SV2C: variants seen among roughly 807,000 people sequenced by gnomAD.
SV2C encodes the protein synaptic vesicle glycoprotein 2C, also known as solute carrier family 22 member B3.
A neutral mutation model predicts 79.7 loss-of-function variants in SV2C; 49 were observed. The observed-to-expected ratio is 0.61, with a 90% CI of 0.49 to 0.78. The LOEUF (loss-of-function observed/expected upper bound fraction) is 0.78. SV2C is among the 30% of genes least tolerant of loss of function. SV2C has a pLI of 0.00. For missense variants in SV2C, 833 were observed against 912.9 expected (o/e 0.91, Z 1.13); for synonymous variants, 334 against 333.2 (o/e 1.00, Z -0.03).
Position 76,311,867 on chromosome 5 carries a change from T to G in SV2C, c.2000+10322T>G, listed in dbSNP as rs562004303. Among the ~76,000 whole-genome samples, 10 of 152,318 alleles carry G rather than the reference T, an allele frequency of 6.6e-5. No homozygotes were observed. The South Asian group carries it at 2.1e-3, about 32-fold the overall frequency. Reference sequence around the variant, plus strand: ...CTTTCAACCCTCTTTGCGGTAGAACTGAGAACACCAACAGAAGATGCATTT... The same window carrying G: ...CTTTCAACCCTCTTTGCGGTAGAACGGAGAACACCAACAGAAGATGCATTT... On this transcript the variant is annotated intron_variant, in intron 12 of 12. Coordinates refer to ENST00000502798, the MANE Select transcript of SV2C (RefSeq NM_014979.4).
intron 12 of SV2C, among the ~76,000 whole-genome samples, chr5:76,347,324 G>A (rs1749563233): frequency 6.6e-6 from 1 of 152,208 alleles, no homozygotes; most frequent in Non-Finnish European, 1.5e-5. Flanking sequence ...TAGGCTGTGA[G>A]CCACCAGCAA....
chr5:76,172,112 T>TG (rs1260971765), intron 2 of SV2C, among the ~76,000 whole-genome samples: 5 of 21,894 alleles, frequency 2.3e-4, no homozygotes, highest in African/African-American at 3.6e-4. Flanking sequence ...GGGAGGGAGG[T>TG]GGGGGGGTCA....
At chr5:75,895,047 C>A in the SV2C span, among the ~76,000 whole-genome samples, 13 of 152,066 alleles carry the variant, frequency 8.5e-5, no homozygotes, top group Non-Finnish European at 1.8e-4. Context: ...AGTAGCTGAT[C>A]ACTACGCTTA....
chr5:75,998,605 AGTGT>A, the SV2C span, among the ~76,000 whole-genome samples: 1 of 151,874 alleles, frequency 6.6e-6, no homozygotes, highest in Non-Finnish European at 1.5e-5. Flanking sequence ...AGAACATGAT[AGTGT>A]GTGTGTGTAT....
At chr5:76,035,786 A>T in the SV2C span, among the ~76,000 whole-genome samples, 1 of 151,976 alleles carries the variant, frequency 6.6e-6, no homozygotes, top group African/African-American at 2.4e-5. Flanking sequence ...GCTGAGTTCA[A>T]TTCCTGGGTA....
the SV2C span, among the ~76,000 whole-genome samples, chr5:76,029,086 C>T: frequency 6.6e-6 from 1 of 152,172 alleles, no homozygotes; most frequent in African/African-American, 2.4e-5. Context: ...CAAGTGTTCT[C>T]AAACTTCATG....
intron 12 of SV2C, among the ~76,000 whole-genome samples, chr5:76,312,917 A>G (rs1748503252): frequency 6.6e-6 from 1 of 152,184 alleles, no homozygotes; most frequent in African/African-American, 2.4e-5. Context: ...TTTTCCCAGA[A>G]TTAAGCAACC....
chr5:75,973,088 A>G, the SV2C span, among the ~76,000 whole-genome samples: 1 of 151,850 alleles, frequency 6.6e-6, no homozygotes, highest in African/African-American at 2.4e-5. Flanking sequence ...AAAAAACCAA[A>G]CACTACATGT....
chr5:76,021,408 T>C, the SV2C span, among the ~76,000 whole-genome samples: 1 of 152,210 alleles, frequency 6.6e-6, no homozygotes, highest in African/African-American at 2.4e-5. Flanking sequence ...ATTCTCTTAT[T>C]GATAGCATCA....
chr5:76,093,147 T>C (rs1311181843), intron 1 of SV2C, among the ~76,000 whole-genome samples: 1 of 152,204 alleles, frequency 6.6e-6, no homozygotes, highest in African/African-American at 2.4e-5. Context: ...TGTCTCTTTA[T>C]AGAGCACCCA....
At chr5:75,874,156 C>G in the SV2C span, among the ~76,000 whole-genome samples, 2 of 152,026 alleles carry the variant, frequency 1.3e-5, no homozygotes, top group African/African-American at 4.8e-5. Context: ...AAATCCTTAA[C>G]AAAATACTTG....
chr5:75,911,510 C>A, the SV2C span: 4 of 725,846 alleles, frequency 5.5e-6, no homozygotes, highest in Non-Finnish European at 9.5e-6. Context: ...GGTTCAACCA[C>A]TGGCCCTAGG....
chr5:76,063,204 C>G, the SV2C span, among the ~76,000 whole-genome samples: 1 of 152,132 alleles, frequency 6.6e-6, no homozygotes, highest in Admixed American at 6.6e-5. Flanking sequence ...TCACTCCTAT[C>G]GAGAGCAAGT....
chr5:76,030,281 T>TG, the SV2C span, among the ~76,000 whole-genome samples: 1 of 113,370 alleles, frequency 8.8e-6, no homozygotes. Context: ...TTTTTTTTTT[T>TG]TTTTTTTTTT....
rs191924646 is a variant in SV2C at position 76,229,666 on chromosome 5, G to A, written c.913+19779G>A. On this transcript the variant is annotated intron_variant, in intron 4 of 12. Coordinates refer to ENST00000502798, the MANE Select transcript of SV2C (RefSeq NM_014979.4). Reference sequence around the variant, plus strand: ...ACAGGGCAAGATGGCACCCAGCAGAGGAGAGAGAGGACATATATGTGGACA... The same window carrying A: ...ACAGGGCAAGATGGCACCCAGCAGAAGAGAGAGAGGACATATATGTGGACA... Among the ~76,000 whole-genome samples the A allele has an allele frequency of 6.9e-3, 1,049 of 152,352 alleles. 9 individuals carry two copies. Among genetic ancestry groups the A allele is most frequent in the Admixed American group, 0.011 (173 of 15,302 alleles).
chr5:76,196,960 T>G (rs1399374064), intron 3 of SV2C, among the ~76,000 whole-genome samples: 1 of 152,224 alleles, frequency 6.6e-6, no homozygotes, highest in Admixed American at 6.5e-5. Context: ...ACAACTTAGA[T>G]GTATTCTTGA....
At chr5:76,036,867 C>A in the SV2C span, among the ~76,000 whole-genome samples, 1 of 152,220 alleles carries the variant, frequency 6.6e-6, no homozygotes, top group South Asian at 2.1e-4. Flanking sequence ...TTCTCCCTGT[C>A]ACTTTCAGGT....
At chr5:76,039,903 A>G in the SV2C span, among the ~76,000 whole-genome samples, 9 of 152,194 alleles carry the variant, frequency 5.9e-5, no homozygotes, top group East Asian at 1.5e-3. Context: ...GTAGATTACT[A>G]TAGCTTAAAG....
chr5:76,131,741 TTGAGA>T lies in SV2C; in HGVS notation c.-8_-4del. The T allele has an allele frequency of 6.3e-7, 1 of 1,582,092 alleles. No homozygotes were observed. Among genetic ancestry groups the T allele is most frequent in the East Asian group, 2.3e-5 (1 of 44,378 alleles). ...TTCCCATCTTCTCATTGGCCATCAG[TTGAGA>T]TAAGATGGAAGACTCTTACAAGGAT... is the stretch of plus-strand genomic sequence containing the variant. On this transcript the variant is annotated 5_prime_UTR_variant, in exon 2 of 13. Transcript: ENST00000502798.
Sources: allele counts gnomAD v4.1 joint callset (sites outside exome capture counted in the v4.1 genomes callset), GRCh38; gene constraint gnomAD v4.1.1; transcripts MANE v1.5; gene names NCBI Gene and HGNC (gene_info 2026-07-23, HGNC 2026-07-21).